Variants in SLC17A6 observed in about 807,000 individuals in gnomAD.
The protein encoded by SLC17A6 is solute carrier family 17 member 6.
Under a neutral mutation model 67.1 loss-of-function variants are expected in SLC17A6, and 35 were observed. The ratio of observed to expected loss-of-function variants is 0.52; its 90% CI spans 0.40 to 0.69. The LOEUF (loss-of-function observed/expected upper bound fraction) is 0.69. Ranked by LOEUF, SLC17A6 falls within the 30% of genes least tolerant of loss-of-function variation. The probability of loss-of-function intolerance (pLI) is 0.00; values close to 1 mark genes in which losing one functional copy is unlikely to be tolerated. For synonymous variants in SLC17A6, 285 were observed against 252.3 expected (o/e 1.13, Z -1.23); for missense variants, 588 against 723.9 (o/e 0.81, Z 2.15).
At chr11:22,352,326 G>A (rs908251285) in intron 3 of SLC17A6, among the ~76,000 whole-genome samples, 6 of 152,198 alleles carry the variant, frequency 3.9e-5, no homozygotes, top group Non-Finnish European at 8.8e-5. Context: ...ATAGCCCATA[G>A]CTGTCAACCT....
At chr11:22,341,840 C>T in intron 2 of SLC17A6, 60 bp downstream of exon 2, 1 of 1,581,996 alleles carries the variant, frequency 6.3e-7, no homozygotes, top group Non-Finnish European at 8.6e-7. Context: ...CGCAAAACCA[C>T]ATCTCCTGTT....
At chr11:22,364,247 C>T (rs778999490) in intron 6 of SLC17A6, among the ~76,000 whole-genome samples, 12 of 151,948 alleles carry the variant, frequency 7.9e-5, no homozygotes, top group Admixed American at 1.3e-4. Flanking sequence ...TAATTAGCAG[C>T]GTATCTGGCA....
chr11:22,351,404 C>G (rs1323791458), intron 3 of SLC17A6, among the ~76,000 whole-genome samples: 14 of 152,054 alleles, frequency 9.2e-5, no homozygotes, highest in Non-Finnish European at 2.9e-5. Flanking sequence ...CTCTCACACT[C>G]TTCTCTTTTG....
intron 10 of SLC17A6, 112 bp from the exon 11 acceptor site, chr11:22,376,433 G>T: frequency 8.7e-7 from 1 of 1,146,370 alleles, no homozygotes. Flanking sequence ...AAGTAATTAA[G>T]CACGTGTTCT....
At chr11:22,367,401 A>G (rs927819128) in intron 7 of SLC17A6, among the ~76,000 whole-genome samples, 3 of 152,184 alleles carry the variant, frequency 2.0e-5, no homozygotes, top group African/African-American at 7.2e-5. Context: ...ACAAATCTTT[A>G]CTGTGTAGTT....
chr11:22,367,278 G>T (rs1164611693), intron 7 of SLC17A6, among the ~76,000 whole-genome samples: 1 of 149,624 alleles, frequency 6.7e-6, no homozygotes, highest in African/African-American at 2.5e-5. Context: ...TCTCATCATA[G>T]GTTAAAAAAA....
At chr11:22,363,943 C>G (rs1405167763) in intron 6 of SLC17A6, among the ~76,000 whole-genome samples, 1 of 152,070 alleles carries the variant, frequency 6.6e-6, no homozygotes, top group Non-Finnish European at 1.5e-5. Flanking sequence ...TGTTTTGTGT[C>G]TTTGTCCATT....
intron 9 of SLC17A6, among the ~76,000 whole-genome samples, chr11:22,375,585 A>G (rs1478412862): frequency 1.3e-5 from 2 of 151,538 alleles, no homozygotes; most frequent in African/African-American, 4.8e-5. Context: ...GGTTCAAGCG[A>G]TTCTCTTGCC....
intron 10 of SLC17A6, among the ~76,000 whole-genome samples, chr11:22,376,329 C>T (rs1439272712): frequency 6.6e-6 from 1 of 151,936 alleles, no homozygotes; most frequent in African/African-American, 2.4e-5. Context: ...AAAACATTAC[C>T]TCTTCTCTGT....
At chr11:22,369,535 T>C (rs1856150814) in intron 7 of SLC17A6, among the ~76,000 whole-genome samples, 1 of 152,002 alleles carries the variant, frequency 6.6e-6, no homozygotes, top group African/African-American at 2.4e-5. Context: ...CTTAGATTGA[T>C]TGGTAGTAGA....
chr11:22,377,298 C>T, intron 11 of SLC17A6, 107 bp from the exon 12 acceptor site: 4 of 997,538 alleles, frequency 4.0e-6, no homozygotes, highest in Non-Finnish European at 5.9e-6. Context: ...GGATTTTTCC[C>T]AAATATAGTG....
chr11:22,344,360 G>A (rs1182924656), intron 3 of SLC17A6, among the ~76,000 whole-genome samples: 2 of 152,144 alleles, frequency 1.3e-5, no homozygotes, highest in African/African-American at 4.8e-5. Context: ...CTGGCCCTTT[G>A]TAACCTGGGC....
chr11:22,349,133 T>C (rs1855909815), intron 3 of SLC17A6, among the ~76,000 whole-genome samples: 1 of 152,110 alleles, frequency 6.6e-6, no homozygotes. Context: ...CATTGCAACC[T>C]CCATTGCAAG....
rs1856245104 is a variant in SLC17A6, at chr11:22,377,551, T to C, written c.1560T>C (p.His520=). Residue 520 remains histidine (H), a synonymous_variant, in exon 12 of 12, where the codon CAT becomes CAC. Coordinates refer to ENST00000263160, the MANE Select transcript of SLC17A6 (RefSeq NM_020346.3). ...GTGAAGAAAAATGTGGATTTATTCA[T>C]GAAGATGAACTCGATGAAGAAACAG... ...ETSEEKCGFI[H]EDELDEETGD... The C allele has an allele frequency of 6.2e-7, 1 of 1,614,164 alleles. No individual in the cohort carries two copies. The highest frequency in any genetic ancestry group is 2.2e-5 in the East Asian group (1 of 44,878).
intron 8 of SLC17A6, among the ~76,000 whole-genome samples, chr11:22,374,300 C>A (rs1197305360): frequency 6.6e-6 from 1 of 152,070 alleles, no homozygotes; most frequent in African/African-American, 2.4e-5. Context: ...TATGTCTGTG[C>A]TATAAAACTC....
rs200190259 is a variant in SLC17A6, at chr11:22,376,504, G to T, written c.1286-41G>T. On this transcript the variant is annotated intron_variant, in intron 10 of 11. Coordinates refer to ENST00000263160, the MANE Select transcript of SLC17A6 (RefSeq NM_020346.3). ...TTCTATAGGTATTTACTTCTAAGACGTTTAGGATGCCCTGAGTCAAAACTT... is the reference window on the plus strand; with the variant it reads ...TTCTATAGGTATTTACTTCTAAGACTTTTAGGATGCCCTGAGTCAAAACTT... The T allele has an allele frequency of 3.7e-6, 6 of 1,612,388 alleles. No homozygotes were observed. The Admixed American group carries it at 1.0e-4, about 27-fold the overall frequency.
intron 8 of SLC17A6, among the ~76,000 whole-genome samples, chr11:22,371,341 C>T (rs976219855): frequency 6.6e-6 from 1 of 152,028 alleles, no homozygotes; most frequent in East Asian, 1.9e-4. Context: ...AGACCTGGGA[C>T]TGAAGAAAAC....
At chr11:22,347,473 A>T (rs1385726785) in intron 3 of SLC17A6, among the ~76,000 whole-genome samples, 1 of 146,582 alleles carries the variant, frequency 6.8e-6, no homozygotes, top group East Asian at 2.0e-4. Context: ...GCTTGCCGTT[A>T]TTATTTAGTA....
chr11:22,350,526 C>T (rs1233014153), intron 3 of SLC17A6, among the ~76,000 whole-genome samples: 1 of 152,014 alleles, frequency 6.6e-6, no homozygotes, highest in Non-Finnish European at 1.5e-5. Flanking sequence ...CTTTAATAAG[C>T]AAATGGCCCT....
Sources: gnomAD v4.1 joint callset for allele counts (sites outside exome capture counted in the v4.1 genomes callset) on GRCh38, gnomAD v4.1.1 for gene constraint, MANE v1.5 for transcripts, NCBI Gene and HGNC (gene_info 2026-07-23, HGNC 2026-07-21) for gene names.